The following HERC1 variants were observed in gnomAD, a reference collection of about 807,000 sequenced individuals.
HERC1 encodes the protein HECT and RLD domain containing E3 ubiquitin protein ligase family member 1.
A neutral mutation model predicts 554.3 loss-of-function variants in HERC1; 160 were observed. That is an observed-to-expected ratio of 0.29 (90% CI 0.25 to 0.33). HERC1 has a LOEUF of 0.33. Among genes scored for constraint, HERC1 ranks in the 10% least tolerant of loss-of-function variants. The pLI is 1.00. For synonymous variants in HERC1, 2,175 were observed against 2,131.7 expected (o/e 1.02, Z -0.56); for missense variants, 4,919 against 5,918.5 (o/e 0.83, Z 5.54).
chr15:63,833,217 G>A (rs1471276199), intron 1 of HERC1, among the ~76,000 whole-genome samples: 2 of 152,168 alleles, frequency 1.3e-5, no homozygotes, highest in African/African-American at 4.8e-5. Flanking sequence ...GGTTGCAAAG[G>A]CTTTATAATT....
Position 63,645,578 on chromosome 15 carries a change from G to A in HERC1, c.10983C>T (p.Cys3661=). 6.2e-7 allele frequency: 1 copy of A among 1,613,290 alleles called. No homozygotes were observed. Among genetic ancestry groups the A allele is most frequent in the Non-Finnish European group, 8.5e-7 (1 of 1,179,476 alleles). ...KLWGSISGCW[C]CLHSLCHPSI... ...ATGGATGGCAGAGTGAATGTAGACA[G>A]CACCAGCATCCCGAAATAGAGCCCC... Residue 3661 remains cysteine, a synonymous_variant, in exon 56 of 78, where the codon TGC becomes TGT. Coordinates refer to ENST00000443617, the MANE Select transcript of HERC1 (RefSeq NM_003922.4).
At chr15:63,620,709 T>C (rs539489755) in intron 74 of HERC1, among the ~76,000 whole-genome samples, 243 of 152,284 alleles carry the variant, frequency 1.6e-3, no homozygotes, top group Non-Finnish European at 2.9e-3. Context: ...TTAGGATAGT[T>C]AGTTCTTCTT....
chr15:63,750,734 C>G (rs1241231379), intron 8 of HERC1, among the ~76,000 whole-genome samples: 1 of 152,066 alleles, frequency 6.6e-6, no homozygotes, highest in Non-Finnish European at 1.5e-5. Flanking sequence ...GAGTTCAATA[C>G]CAGCCTGGAC....
At chr15:63,670,106 C>T (rs2070828471) in intron 39 of HERC1, among the ~76,000 whole-genome samples, 1 of 152,180 alleles carries the variant, frequency 6.6e-6, no homozygotes, top group East Asian at 1.9e-4. Flanking sequence ...AATATAAACT[C>T]ACTAGCTAGT....
chr15:63,828,991 A>G (rs2078034533), intron 1 of HERC1, among the ~76,000 whole-genome samples: 1 of 152,238 alleles, frequency 6.6e-6, no homozygotes, highest in Non-Finnish European at 1.5e-5. Context: ...AAGTCAACAA[A>G]TAAGTGAGTA....
chr15:63,708,692 C>G (rs1024454209), intron 24 of HERC1, among the ~76,000 whole-genome samples: 1 of 152,142 alleles, frequency 6.6e-6, no homozygotes, highest in Non-Finnish European at 1.5e-5. Flanking sequence ...TAGTTAACTT[C>G]TAACATTTTA....
chr15:63,734,692 C>G lies in HERC1; in HGVS notation c.2646+32G>C. ...CTCAGTCCAAATTTTTAGGATACTA[C>G]TGGTTTACTTACACAGCAAGCAAAG... On this transcript the variant is annotated intron_variant, in intron 13 of 77. Transcript: ENST00000443617. This position sits in a 1 kb window ranked among gnomAD's most constrained non-coding sequence, Gnocchi z 4.6. 6.7e-7 allele frequency: 1 copy of G among 1,503,028 alleles called. No homozygotes were observed. 93.1% of individuals were successfully genotyped at this position (1,503,028 alleles called of 1,614,324 possible).
intron 18 of HERC1, 64 bp from the exon 19 acceptor site, chr15:63,723,419 TACC>T (rs2073904195): frequency 1.3e-5 from 14 of 1,080,384 alleles, no homozygotes; most frequent in Middle Eastern, 2.4e-4. Flanking sequence ...GATAAAATCT[TACC>T]ACATTTATTT....
chr15:63,763,635 C>T (rs1179581531), intron 3 of HERC1, among the ~76,000 whole-genome samples: 1 of 149,914 alleles, frequency 6.7e-6, no homozygotes, highest in Non-Finnish European at 1.5e-5. Context: ...ATCTGGTTGA[C>T]AGAACTATAA....
intron 48 of HERC1, among the ~76,000 whole-genome samples, chr15:63,656,656 C>T (rs1329839418): frequency 6.6e-6 from 1 of 152,166 alleles, no homozygotes; most frequent in Non-Finnish European, 1.5e-5. Flanking sequence ...ATGTCACCGC[C>T]CTCCAGATCA....
intron 60 of HERC1, 106 bp from the exon 61 acceptor site, chr15:63,640,551 G>A (rs903308373): frequency 1.1e-6 from 1 of 939,994 alleles, no homozygotes; most frequent in African/African-American, 1.7e-5. Context: ...CAAGTTTACT[G>A]TTTAAGCTTT....
intron 1 of HERC1, among the ~76,000 whole-genome samples, chr15:63,804,324 G>A (rs865828923): frequency 1.3e-5 from 2 of 152,148 alleles, no homozygotes; most frequent in Non-Finnish European, 2.9e-5. Flanking sequence ...AGTGGCTCAC[G>A]CCTGTAATCC....
At position 63,625,901 on chromosome 15, in the gene HERC1, A is replaced by G. The variant is rs532386086; in HGVS notation, c.13275+84T>C. 11 of 1,399,782 alleles carry G rather than the reference A, an allele frequency of 7.9e-6. No individual in the cohort carries two copies. In the African/African-American group the frequency reaches 1.6e-4, roughly 20 times the overall value. The allele number at this position is 1,399,782 out of a possible 1,614,324, so 86.7% of individuals were successfully genotyped here. On this transcript the variant is annotated intron_variant, in intron 71 of 77. Transcript: ENST00000443617. ...AAGAATTTTCCAAAGGCAGAGGGAA[A>G]GGCCCTGGGGCCTGGCGAGCATGTC...
chr15:63,770,311 C>T (rs1013175168), intron 2 of HERC1, among the ~76,000 whole-genome samples: 2 of 152,178 alleles, frequency 1.3e-5, no homozygotes, highest in Non-Finnish European at 1.5e-5. Flanking sequence ...CTTTGCCTCC[C>T]GCCCTCTTCT....
Position 63,645,094 on chromosome 15 carries a change from G to A in HERC1, c.11082C>T (p.Gly3694=). ...AAACACATACTAAGCCACTCTGACA[G>A]CCACTTAAAAAAATTGATCACATAA... ...GSKLQLLMAT[G]CQSGLVCVWR... Residue 3694 remains glycine, a synonymous_variant, in exon 57 of 78, where the codon GGC becomes GGT. Transcript: ENST00000443617. The A allele has an allele frequency of 6.2e-7, 1 of 1,613,056 alleles. No homozygotes were observed. Among genetic ancestry groups the A allele is most frequent in the Non-Finnish European group, 8.5e-7 (1 of 1,179,252 alleles).
At chr15:63,695,178 G>T (rs961984772) in intron 27 of HERC1, among the ~76,000 whole-genome samples, 1 of 151,848 alleles carries the variant, frequency 6.6e-6, no homozygotes, top group Admixed American at 6.6e-5. Flanking sequence ...TGGGACTACA[G>T]GCACATACCA....
At chr15:63,764,071 T>G in intron 3 of HERC1, 25 bp downstream of exon 3, 9 of 1,490,314 alleles carry the variant, frequency 6.0e-6, no homozygotes, top group Non-Finnish European at 8.3e-6. Context: ...AAGTTGTTAA[T>G]ACAAAAGCCA....
At chr15:63,634,642 G>C in intron 66 of HERC1, 91 bp downstream of exon 66, 1 of 1,018,736 alleles carries the variant, frequency 9.8e-7, no homozygotes, top group Non-Finnish European at 1.4e-6. Flanking sequence ...GGTACAACTG[G>C]TGATCCTGAT....
In HERC1 at chr15:63,677,865, A is replaced by G. The variant is rs369323535; in HGVS notation, c.7050T>C (p.Asp2350=). The G allele has an allele frequency of 5.0e-6, 8 of 1,613,620 alleles. No homozygotes were observed. Among genetic ancestry groups the G allele is most frequent in the Non-Finnish European group, 6.8e-6 (8 of 1,179,754 alleles). ...EGSTSAKVQW[D]EAEITISFPT... The stretch of plus-strand genomic sequence containing the variant: ...CATACCTGATAGTAATTTCTGCTTC[A>G]TCCCATTGGACCTTGGCAGACGTGC... The change falls in exon 37 of 78, where the codon GAT becomes GAC. Residue 2350 remains aspartate (D), a synonymous_variant. Transcript: ENST00000443617. This position sits in a 1 kb window ranked among gnomAD's most constrained non-coding sequence, Gnocchi z 4.4.
Sources: gnomAD v4.1 joint callset for allele counts (sites outside exome capture counted in the v4.1 genomes callset) on GRCh38, gnomAD v4.1.1 for gene constraint, Gnocchi (gnomAD v3.1) non-coding constraint, MANE v1.5 for transcripts, NCBI Gene and HGNC (gene_info 2026-07-23, HGNC 2026-07-21) for gene names.